PICALM: variants seen among roughly 807,000 people sequenced by gnomAD.
PICALM encodes the protein phosphatidylinositol-binding clathrin assembly protein.
Under a neutral mutation model 80.5 loss-of-function variants are expected in PICALM, and 40 were observed. The ratio of observed to expected loss-of-function variants is 0.50; its 90% CI spans 0.39 to 0.65. The LOEUF (loss-of-function observed/expected upper bound fraction) is 0.65, where lower values mean the gene tolerates loss of function less well. PICALM is among the 30% of genes least tolerant of loss of function. The probability of loss-of-function intolerance (pLI) is 0.00; values close to 1 mark genes in which losing one functional copy is unlikely to be tolerated. For synonymous variants in PICALM, 288 were observed against 260.3 expected (o/e 1.11, Z -1.02); for missense variants, 676 against 778.9 (o/e 0.87, Z 1.57).
rs573723523 is a variant in PICALM, at chr11:86,068,298, G to A, written c.130+353C>T. ...GGCGACGAGGCGGCACCGGACGGGT[G>A]GGAAGGAAGAGCAGAAGGCTGCAGT... On this transcript the variant is annotated intron_variant, in intron 1 of 19. Coordinates refer to ENST00000393346, the MANE Select transcript of PICALM (RefSeq NM_007166.4). Among the ~76,000 whole-genome samples the A allele has an allele frequency of 3.3e-5, 5 of 152,304 alleles. No homozygotes were observed. In the South Asian group the frequency reaches 1.0e-3, roughly 32 times the overall value.
At chr11:85,971,219 C>T (rs748824093) in intron 19 of PICALM, among the ~76,000 whole-genome samples, 35 of 152,284 alleles carry the variant, frequency 2.3e-4, no homozygotes, top group Admixed American at 5.9e-4. Context: ...CCTTCATTTG[C>T]TTTTTCAGTA....
At chr11:85,984,262 A>C (rs1402699320) in intron 13 of PICALM, among the ~76,000 whole-genome samples, 2 of 152,190 alleles carry the variant, frequency 1.3e-5, no homozygotes, top group Non-Finnish European at 2.9e-5. Context: ...ATATGCAGAT[A>C]ATCTTTAAAA....
chr11:86,032,712 AAATGT>A (rs2095778664), intron 1 of PICALM, among the ~76,000 whole-genome samples: 1 of 152,210 alleles, frequency 6.6e-6, no homozygotes, highest in African/African-American at 2.4e-5. Flanking sequence ...AATATATATA[AAATGT>A]AATGTATAAA....
intron 1 of PICALM, among the ~76,000 whole-genome samples, chr11:86,046,338 T>C (rs1457130492): frequency 6.6e-6 from 1 of 152,244 alleles, no homozygotes; most frequent in Non-Finnish European, 1.5e-5. Context: ...ACCATTGTGA[T>C]TTCAGGCATG....
At chr11:86,044,215 A>C (rs1002284954) in intron 1 of PICALM, among the ~76,000 whole-genome samples, 3 of 152,200 alleles carry the variant, frequency 2.0e-5, no homozygotes, top group African/African-American at 7.2e-5. Context: ...GGATGGAGCT[A>C]TGTGTTTGAG....
chr11:86,011,960 C>T (rs188008159), intron 6 of PICALM, among the ~76,000 whole-genome samples: 2 of 151,296 alleles, frequency 1.3e-5, no homozygotes, highest in Admixed American at 6.6e-5. Flanking sequence ...AAGCAATTCT[C>T]CTGCCTCAGC....
intron 3 of PICALM, among the ~76,000 whole-genome samples, chr11:86,025,331 C>T (rs548461799): frequency 3.3e-5 from 5 of 151,816 alleles, no homozygotes; most frequent in Admixed American, 2.0e-4. Context: ...ACCCGGGAGG[C>T]GGAGGTTGCA....
chr11:86,034,119 T>G (rs2095803107), intron 1 of PICALM, among the ~76,000 whole-genome samples: 3 of 152,158 alleles, frequency 2.0e-5, no homozygotes, highest in Admixed American at 2.0e-4. Flanking sequence ...AAAAAATTCT[T>G]CACACATAAT....
At chr11:85,995,557 T>C (rs1203850206) in intron 12 of PICALM, among the ~76,000 whole-genome samples, 1 of 152,178 alleles carries the variant, frequency 6.6e-6, no homozygotes, top group African/African-American at 2.4e-5. Context: ...TTCAGCTTCT[T>C]TGAAATGTTT....
intron 19 of PICALM, 27 bp from the exon 20 acceptor site, chr11:85,959,087 T>C: frequency 6.6e-7 from 1 of 1,513,252 alleles, no homozygotes. Flanking sequence ...GGTATGTTAA[T>C]TCATTGTATT....
At chr11:86,023,674 G>C in intron 3 of PICALM, 1 of 458,992 alleles carries the variant, frequency 2.2e-6, no homozygotes, top group Non-Finnish European at 2.9e-6. Context: ...TCTGCCTAGA[G>C]CACTGCTCTG....
intron 19 of PICALM, among the ~76,000 whole-genome samples, chr11:85,961,229 T>C (rs1324270426): frequency 6.6e-6 from 1 of 152,206 alleles, no homozygotes; most frequent in East Asian, 1.9e-4. Context: ...AGCTGCAATA[T>C]TCTTTCCTTT....
chr11:85,977,356 A>G (rs188554649), intron 17 of PICALM, among the ~76,000 whole-genome samples: 6 of 152,336 alleles, frequency 3.9e-5, no homozygotes, highest in African/African-American at 1.4e-4. Flanking sequence ...TATCACTATG[A>G]TGTTTAAGTT....
intron 1 of PICALM, among the ~76,000 whole-genome samples, chr11:86,054,504 A>C (rs1327198375): frequency 2.0e-5 from 3 of 152,060 alleles, no homozygotes; most frequent in Non-Finnish European, 4.4e-5. Flanking sequence ...ACCACACAAA[A>C]CTATTCAGTT....
chr11:86,040,056 G>A (rs1042363439), intron 1 of PICALM, among the ~76,000 whole-genome samples: 2 of 149,790 alleles, frequency 1.3e-5, no homozygotes, highest in Non-Finnish European at 3.0e-5. Context: ...TGTTGCAGAT[G>A]CAGAGATCAG....
At chr11:86,069,119 C>A, upstream of PICALM, 1 of 267,524 alleles carries the variant, frequency 3.7e-6, no homozygotes, top group Non-Finnish European at 7.2e-6. Context: ...TTCCGGGCTG[C>A]CCCGGGTCAC....
At chr11:86,004,513 G>A (rs1017514089) in intron 8 of PICALM, among the ~76,000 whole-genome samples, 3 of 145,398 alleles carry the variant, frequency 2.1e-5, no homozygotes, top group Admixed American at 6.9e-5. Context: ...GAATACTTAC[G>A]TTTTTTTTTT....
intron 19 of PICALM, among the ~76,000 whole-genome samples, chr11:85,963,890 G>T (rs575143629): frequency 2.2e-5 from 3 of 138,772 alleles, no homozygotes; most frequent in African/African-American, 8.0e-5. Context: ...CCAAGTAGCT[G>T]GGATTACAGG....
intron 1 of PICALM, among the ~76,000 whole-genome samples, chr11:86,053,428 T>C (rs532436974): frequency 7.9e-5 from 12 of 152,354 alleles, no homozygotes; most frequent in Admixed American, 5.9e-4. Flanking sequence ...TGGAACTCTC[T>C]GAACCTTTAC....
Sources: allele counts gnomAD v4.1 joint callset (sites outside exome capture counted in the v4.1 genomes callset), GRCh38; gene constraint gnomAD v4.1.1; transcripts MANE v1.5; gene names NCBI Gene and HGNC (gene_info 2026-07-23, HGNC 2026-07-21).